Variants in ST6GALNAC5 observed in about 807,000 individuals in gnomAD.
The protein encoded by ST6GALNAC5 is alpha-N-acetylgalactosaminide alpha-2,6-sialyltransferase 5.
Under a neutral mutation model 33.6 loss-of-function variants are expected in ST6GALNAC5, and 27 were observed. The ratio of observed to expected loss-of-function variants is 0.80; its 90% CI spans 0.59 to 1.11. The LOEUF is 1.11. Among genes scored for constraint, ST6GALNAC5 ranks in the 50% least tolerant of loss-of-function variants. ST6GALNAC5 has a pLI of 0.00. For missense variants in ST6GALNAC5, 428 were observed against 454.0 expected (o/e 0.94, Z 0.52); for synonymous variants, 194 against 171.2 (o/e 1.13, Z -1.04).
intron 2 of ST6GALNAC5, among the ~76,000 whole-genome samples, chr1:76,942,627 G>C (rs997735996): frequency 1.3e-5 from 2 of 152,098 alleles, no homozygotes; most frequent in African/African-American, 2.4e-5. Context: ...GATCTTGGCT[G>C]ACTCTGGAGT....
rs765792320 is a variant in ST6GALNAC5 at position 77,044,542 on chromosome 1, G to A, written c.600G>A (p.Lys200=). ...TGAGCCAGGTGCTGCCCCGGCTGAAGGCCTTCATGATTACTCGCCACAAGA... is the reference window on the plus strand; with the variant it reads ...TGAGCCAGGTGCTGCCCCGGCTGAAAGCCTTCATGATTACTCGCCACAAGA... ...HLLSQVLPRL[K]AFMITRHKML... The change falls in exon 3 of 5, where the codon AAG becomes AAA. Residue 200 remains lysine (K), a synonymous_variant. Transcript: ENST00000477717. The A allele has an allele frequency of 3.7e-6, 6 of 1,606,274 alleles. No homozygotes were observed. The African/African-American group carries it at 4.0e-5, about 11-fold the overall frequency.
At chr1:77,009,848 C>T (rs1167484166) in intron 2 of ST6GALNAC5, among the ~76,000 whole-genome samples, 1 of 152,130 alleles carries the variant, frequency 6.6e-6, no homozygotes, top group African/African-American at 2.4e-5. Flanking sequence ...ATGGAAAATA[C>T]TAAAATACTT....
intron 2 of ST6GALNAC5, among the ~76,000 whole-genome samples, chr1:76,963,899 G>A (rs1648349344): frequency 6.6e-6 from 1 of 152,128 alleles, no homozygotes; most frequent in Admixed American, 6.6e-5. Context: ...CCATAAAAGG[G>A]GAGAACCTTT....
intron 2 of ST6GALNAC5, among the ~76,000 whole-genome samples, chr1:76,898,019 C>T (rs1402780241): frequency 3.3e-5 from 5 of 152,198 alleles, no homozygotes; most frequent in Admixed American, 6.5e-5. Context: ...CCGAGGCAAT[C>T]GGACAGAGTC....
intron 2 of ST6GALNAC5, among the ~76,000 whole-genome samples, chr1:76,895,293 G>T (rs1242574103): frequency 2.6e-5 from 4 of 151,848 alleles, no homozygotes; most frequent in Non-Finnish European, 4.4e-5. Context: ...GAAAATTTTG[G>T]GGGGGTGATA....
At chr1:76,970,842 A>C (rs1035487584) in intron 2 of ST6GALNAC5, among the ~76,000 whole-genome samples, 3 of 152,218 alleles carry the variant, frequency 2.0e-5, no homozygotes, top group Non-Finnish European at 4.4e-5. Context: ...TTTTCATTCT[A>C]ATAACTCACC....
At chr1:76,890,267 C>G (rs985667524) in intron 2 of ST6GALNAC5, among the ~76,000 whole-genome samples, 2 of 152,180 alleles carry the variant, frequency 1.3e-5, no homozygotes, top group Admixed American at 1.3e-4. Context: ...TTTTATGAAG[C>G]AGAGAATTTT....
rs1028498054 is a variant in ST6GALNAC5, at chr1:76,877,218, C to T, written c.261+8476C>T. On this transcript the variant is annotated intron_variant, in intron 2 of 4. Coordinates refer to ENST00000477717, the MANE Select transcript of ST6GALNAC5 (RefSeq NM_030965.3). ...TGCTCCAAAATCCTAGAGGCCTCTG[C>T]GGTGATTCACCTTTTGGGCTTGCCA... Among the ~76,000 whole-genome samples, 46 of 152,276 alleles carry T rather than the reference C, an allele frequency of 3.0e-4. 1 individual carries two copies. The highest frequency in any genetic ancestry group is 5.8e-4 in the East Asian group (3 of 5,164).
At chr1:76,899,478 C>T (rs549001861) in intron 2 of ST6GALNAC5, among the ~76,000 whole-genome samples, 3 of 152,012 alleles carry the variant, frequency 2.0e-5, no homozygotes, top group African/African-American at 7.2e-5. Flanking sequence ...GGCACAGAGA[C>T]AAGAGGTTGG....
At chr1:76,976,828 AT>A (rs141780288) in intron 2 of ST6GALNAC5, among the ~76,000 whole-genome samples, 3,542 of 150,954 alleles carry the variant, frequency 0.023, 144 homozygotes, top group African/African-American at 0.082. Context: ...CAGTTTTGGG[AT>A]TTTTTTTTAA....
At chr1:76,924,008 T>C (rs184619838) in intron 2 of ST6GALNAC5, among the ~76,000 whole-genome samples, 2 of 152,248 alleles carry the variant, frequency 1.3e-5, no homozygotes, top group Admixed American at 1.3e-4. Flanking sequence ...AAGCACAGCA[T>C]GATGGTACAA....
At chr1:76,996,395 GATGT>G (rs60892244) in intron 2 of ST6GALNAC5, among the ~76,000 whole-genome samples, 8,828 of 152,242 alleles carry the variant, frequency 0.058, 464 homozygotes, top group African/African-American at 0.14. Context: ...ACAAGAATGA[GATGT>G]ATGTATTTCT....
chr1:77,021,704 C>A (rs1191233146), intron 2 of ST6GALNAC5, among the ~76,000 whole-genome samples: 4 of 152,166 alleles, frequency 2.6e-5, no homozygotes, highest in Non-Finnish European at 5.9e-5. Flanking sequence ...GCTTTTTCTT[C>A]TTAGACCATT....
At chr1:77,055,251 G>A (rs1385846947) in intron 4 of ST6GALNAC5, among the ~76,000 whole-genome samples, 1 of 152,076 alleles carries the variant, frequency 6.6e-6, no homozygotes, top group Non-Finnish European at 1.5e-5. Context: ...GCATTTATGT[G>A]TTTATTTGTT....
At chr1:76,887,967 C>G (rs992783502) in intron 2 of ST6GALNAC5, among the ~76,000 whole-genome samples, 1 of 152,098 alleles carries the variant, frequency 6.6e-6, no homozygotes, top group South Asian at 2.1e-4. Flanking sequence ...GTGACTAGCT[C>G]CTTCTTAGCT....
At chr1:77,039,379 C>T (rs1651761350) in intron 2 of ST6GALNAC5, among the ~76,000 whole-genome samples, 1 of 152,238 alleles carries the variant, frequency 6.6e-6, no homozygotes, top group Non-Finnish European at 1.5e-5. Context: ...GGACTCTGGT[C>T]ATTATGGTTC....
In ST6GALNAC5 at chr1:77,066,748, C is replaced by G. The variant is rs1652791525; in HGVS notation, c.*3542C>G. ...AACACTCTACATGTTTTGTATCTGA[C>G]CCAATCATTTCTTCCATTCTCATTG... On this transcript the variant is annotated 3_prime_UTR_variant, in exon 5 of 5. Coordinates refer to ENST00000477717, the MANE Select transcript of ST6GALNAC5 (RefSeq NM_030965.3). Among the ~76,000 whole-genome samples the G allele has an allele frequency of 6.6e-6, 1 of 152,146 alleles. No individual in the cohort carries two copies. The highest frequency in any genetic ancestry group is 6.5e-5 in the Admixed American group (1 of 15,272).
At chr1:77,025,168 T>A (rs919076871) in intron 2 of ST6GALNAC5, among the ~76,000 whole-genome samples, 2 of 152,250 alleles carry the variant, frequency 1.3e-5, no homozygotes, top group Non-Finnish European at 2.9e-5. Flanking sequence ...GGCTTTAGAA[T>A]TTACATTCTT....
At chr1:76,951,040 C>T (rs571098334) in intron 2 of ST6GALNAC5, among the ~76,000 whole-genome samples, 2 of 151,934 alleles carry the variant, frequency 1.3e-5, no homozygotes, top group East Asian at 3.9e-4. Flanking sequence ...AAACTACAAG[C>T]AAATTGAAAC....
Sources: allele counts gnomAD v4.1 joint callset (sites outside exome capture counted in the v4.1 genomes callset), GRCh38; gene constraint gnomAD v4.1.1; transcripts MANE v1.5; gene names NCBI Gene and HGNC (gene_info 2026-07-23, HGNC 2026-07-21).